Variants in SLC24A4 observed in about 807,000 individuals in gnomAD.
SLC24A4 encodes solute carrier family 24 member 4.
SLC24A4 carries 53 observed loss-of-function variants against 79.0 expected under a neutral mutation model. The ratio of observed to expected loss-of-function variants is 0.67; its 90% CI spans 0.54 to 0.84. The LOEUF (loss-of-function observed/expected upper bound fraction) is 0.84. Among genes scored for constraint, SLC24A4 ranks in the 40% least tolerant of loss-of-function variants. The pLI is 0.00. For synonymous variants in SLC24A4, 323 were observed against 323.8 expected (o/e 1.00, Z 0.03); for missense variants, 731 against 822.0 (o/e 0.89, Z 1.35).
chr14:92,387,604 G>A (rs61975642), intron 2 of SLC24A4, among the ~76,000 whole-genome samples: 11,491 of 152,244 alleles, frequency 0.075, 508 homozygotes, highest in Non-Finnish European at 0.086. Flanking sequence ...GTGCAGTTCA[G>A]CAGCATTAAG....
At chr14:92,419,094 T>C (rs965973249) in intron 2 of SLC24A4, among the ~76,000 whole-genome samples, 1 of 152,184 alleles carries the variant, frequency 6.6e-6, no homozygotes, top group African/African-American at 2.4e-5. Flanking sequence ...AGTCCATTGA[T>C]TGTAGATGTT....
At chr14:92,342,185 G>A (rs918094356) in intron 2 of SLC24A4, among the ~76,000 whole-genome samples, 13 of 151,978 alleles carry the variant, frequency 8.6e-5, no homozygotes, top group Admixed American at 5.9e-4. Context: ...AAGAGATCAC[G>A]GAGGAGATCC....
intron 12 of SLC24A4, among the ~76,000 whole-genome samples, chr14:92,480,962 G>A (rs970958488): frequency 2.6e-5 from 4 of 152,168 alleles, no homozygotes; most frequent in African/African-American, 9.7e-5. Flanking sequence ...TGAAGTCTCT[G>A]CTAGGTTAGC....
chr14:92,400,163 G>A (rs1161017667), intron 2 of SLC24A4, among the ~76,000 whole-genome samples: 3 of 152,138 alleles, frequency 2.0e-5, no homozygotes, highest in African/African-American at 4.8e-5. Context: ...GTTGGAGGCC[G>A]AGCGTGGTGG....
chr14:92,493,489 A>G lies in SLC24A4; in HGVS notation c.1730A>G (p.His577Arg). Residue 577 changes from histidine (H) to arginine (R), a missense_variant, in exon 17 of 17, where the codon CAC becomes CGC. Transcript: ENST00000532405. ...CTGTCCTCCCAGGTCCTCGGCATCC[A>G]CCTAAACAAGTGGCGACTGGACCGG... is the stretch of plus-strand genomic sequence containing the variant. ...GSVALTVLGI[H>R]LNKWRLDRKL... is the part of the protein sequence containing the mutation. 5.0e-6 allele frequency: 8 copies of G among 1,614,150 alleles called. No homozygotes were observed. The highest frequency in any genetic ancestry group is 6.8e-6 in the Non-Finnish European group (8 of 1,180,024).
intron 12 of SLC24A4, among the ~76,000 whole-genome samples, chr14:92,466,983 C>T (rs1566789695): frequency 6.6e-6 from 1 of 152,226 alleles, no homozygotes; most frequent in East Asian, 1.9e-4. Context: ...GTGTGAGGCA[C>T]AACACAAATA....
intron 2 of SLC24A4, among the ~76,000 whole-genome samples, chr14:92,360,213 C>A (rs554962666): frequency 6.6e-6 from 1 of 152,088 alleles, no homozygotes; most frequent in African/African-American, 2.4e-5. Context: ...TGAGCCACTG[C>A]GCCTAGCCTG....
At chr14:92,485,965 G>T (rs1895331916) in intron 13 of SLC24A4, among the ~76,000 whole-genome samples, 1 of 152,182 alleles carries the variant, frequency 6.6e-6, no homozygotes, top group South Asian at 2.1e-4. Flanking sequence ...GACAGTAAAA[G>T]TCTATAAAGA....
chr14:92,357,169 T>C (rs987960361), intron 2 of SLC24A4, among the ~76,000 whole-genome samples: 1 of 152,166 alleles, frequency 6.6e-6, no homozygotes, highest in African/African-American at 2.4e-5. Flanking sequence ...CATTCTTCCT[T>C]GGAGGATTAG....
intron 2 of SLC24A4, among the ~76,000 whole-genome samples, chr14:92,356,420 A>G (rs1393402295): frequency 2.0e-5 from 3 of 152,286 alleles, no homozygotes; most frequent in East Asian, 3.9e-4. Context: ...TGAGCGTGCC[A>G]CCATGAGGAC....
intron 2 of SLC24A4, among the ~76,000 whole-genome samples, chr14:92,375,800 G>A (rs887435958): frequency 3.9e-5 from 6 of 152,200 alleles, no homozygotes; most frequent in African/African-American, 1.4e-4. Flanking sequence ...CAAGGGCTGT[G>A]GGGGAGGGGT....
chr14:92,477,784 CTTT>C (rs34635349), intron 12 of SLC24A4, among the ~76,000 whole-genome samples: 222 of 124,796 alleles, frequency 1.8e-3, no homozygotes, highest in Admixed American at 2.4e-3. Flanking sequence ...TTTCTTTTCT[CTTT>C]TTTTTTTTTT....
intron 2 of SLC24A4, among the ~76,000 whole-genome samples, chr14:92,390,069 C>T (rs953788701): frequency 6.6e-6 from 1 of 151,952 alleles, no homozygotes; most frequent in Non-Finnish European, 1.5e-5. Flanking sequence ...TCACTCCTGC[C>T]CCTTCTCTCC....
intron 2 of SLC24A4, among the ~76,000 whole-genome samples, chr14:92,422,050 T>C (rs1891312101): frequency 6.6e-6 from 1 of 152,240 alleles, no homozygotes; most frequent in Non-Finnish European, 1.5e-5. Context: ...TTTTCATTTA[T>C]GATAAAATTT....
chr14:92,333,119 A>C (rs915728476), intron 2 of SLC24A4, among the ~76,000 whole-genome samples: 1 of 152,104 alleles, frequency 6.6e-6, no homozygotes, highest in Non-Finnish European at 1.5e-5. Context: ...TTTTGGACAG[A>C]GTCTCACCCC....
In SLC24A4 at chr14:92,496,805, ATTTTC is replaced by A. The variant is rs981647075; in HGVS notation, c.*3187_*3191del. 2.7e-5 allele frequency: 4 copies of A among 149,058 alleles called. No individual in the cohort carries two copies. Among genetic ancestry groups the A allele is most frequent in the African/African-American group, 5.0e-5 (2 of 39,632 alleles). The allele number at this position is 149,058 out of a possible 1,614,324, so 9.2% of individuals were successfully genotyped here. On this transcript the variant is annotated 3_prime_UTR_variant, in exon 17 of 17. Transcript: ENST00000532405. The stretch of plus-strand genomic sequence containing the variant: ...TGCACAGAGCTGCCTGCCTTTATGA[ATTTTC>A]TTTTCTTTTTTTTTTGAGACAGCGT...
chr14:92,483,271 T>TC (rs991276476), intron 13 of SLC24A4, among the ~76,000 whole-genome samples: 1 of 152,018 alleles, frequency 6.6e-6, no homozygotes, highest in Non-Finnish European at 1.5e-5. Flanking sequence ...GGAATGCTCC[T>TC]CCCCCCACTG....
intron 11 of SLC24A4, among the ~76,000 whole-genome samples, chr14:92,454,999 G>GT (rs1555372121): frequency 1.3e-4 from 19 of 150,918 alleles, no homozygotes; most frequent in Non-Finnish European, 1.5e-5. Flanking sequence ...GGGATTTATA[G>GT]TATCTTTTTC....
chr14:92,489,299 C>T (rs1471696341), intron 14 of SLC24A4, among the ~76,000 whole-genome samples: 1 of 152,072 alleles, frequency 6.6e-6, no homozygotes, highest in Admixed American at 6.6e-5. Flanking sequence ...ATTAGCCAGG[C>T]GTGGTGGTGC....
Sources: gnomAD v4.1 joint callset for allele counts (sites outside exome capture counted in the v4.1 genomes callset) on GRCh38, gnomAD v4.1.1 for gene constraint, MANE v1.5 for transcripts, NCBI Gene and HGNC (gene_info 2026-07-23, HGNC 2026-07-21) for gene names.